Variants in HEATR5B observed in about 807,000 individuals in gnomAD.
HEATR5B encodes HEAT repeat containing 5B.
HEATR5B carries 156 observed loss-of-function variants against 224.1 expected under a neutral mutation model. The observed-to-expected ratio is 0.70, with a 90% CI of 0.61 to 0.80. HEATR5B has a LOEUF of 0.80. Ranked by LOEUF, HEATR5B falls within the 30% of genes least tolerant of loss-of-function variation. The pLI is 0.00. For synonymous variants in HEATR5B, 1,027 were observed against 893.0 expected (o/e 1.15, Z -2.68); for missense variants, 2,323 against 2,535.5 (o/e 0.92, Z 1.80).
At position 37,060,527 on chromosome 2, in the gene HEATR5B, C is replaced by T. The variant is rs1336111668; in HGVS notation, c.1849+54G>A. ...AAATAGTGATTTTTCTTTTACTTTACAAATATTTTAGTTATGTCATAATAT... is the reference window on the plus strand; with the variant it reads ...AAATAGTGATTTTTCTTTTACTTTATAAATATTTTAGTTATGTCATAATAT... On this transcript the variant is annotated intron_variant, in intron 12 of 35. Coordinates refer to ENST00000233099, the MANE Select transcript of HEATR5B (RefSeq NM_019024.3). The T allele has an allele frequency of 2.1e-6, 3 of 1,403,898 alleles. No homozygotes were observed. The Middle Eastern group carries it at 5.6e-4, about 264-fold the overall frequency. The allele number at this position is 1,403,898 out of a possible 1,614,324, so 87.0% of individuals were successfully genotyped here. A position where few individuals can be genotyped will look rare whatever the true frequency, so the allele number is the denominator to read the frequency against.
intron 33 of HEATR5B, among the ~76,000 whole-genome samples, chr2:36,996,064 CTTTT>C (rs371199948): frequency 7.3e-6 from 1 of 137,420 alleles, no homozygotes; most frequent in Non-Finnish European, 1.6e-5. Context: ...TAATGCAATT[CTTTT>C]TTTTTTTTTT....
At chr2:37,081,325 C>G (rs1193223259) in intron 2 of HEATR5B, among the ~76,000 whole-genome samples, 1 of 152,144 alleles carries the variant, frequency 6.6e-6, no homozygotes, top group Non-Finnish European at 1.5e-5. Flanking sequence ...CACCCATTAA[C>G]TCGTCATTTA....
At chr2:37,054,930 A>C (rs1323094445) in intron 16 of HEATR5B, among the ~76,000 whole-genome samples, 3 of 152,236 alleles carry the variant, frequency 2.0e-5, no homozygotes, top group African/African-American at 7.2e-5. Flanking sequence ...AGGTCGCTGT[A>C]AGGATTTAAA....
At chr2:37,072,008 T>C in intron 6 of HEATR5B, 102 bp downstream of exon 6, 1 of 939,894 alleles carries the variant, frequency 1.1e-6, no homozygotes, top group Non-Finnish European at 1.5e-6. Context: ...TATGGAAAAG[T>C]AGACAAAGAT....
intron 5 of HEATR5B, among the ~76,000 whole-genome samples, chr2:37,074,227 G>A (rs1011236661): frequency 7.9e-5 from 12 of 151,672 alleles, no homozygotes; most frequent in African/African-American, 2.9e-4. Flanking sequence ...GGAGGCTGAG[G>A]CAGGAGAATG....
At chr2:37,034,835 G>T (rs1463572098) in intron 21 of HEATR5B, among the ~76,000 whole-genome samples, 1 of 151,952 alleles carries the variant, frequency 6.6e-6, no homozygotes, top group Non-Finnish European at 1.5e-5. Context: ...TGGGATTACA[G>T]GTGTGAGCCA....
At chr2:37,017,783 T>C (rs1176115962) in intron 26 of HEATR5B, among the ~76,000 whole-genome samples, 3 of 151,842 alleles carry the variant, frequency 2.0e-5, no homozygotes, top group South Asian at 2.1e-4. Context: ...AGCATTGAAT[T>C]AGTAAAATAA....
rs957779176 is a variant in HEATR5B, at chr2:37,051,738, CT to C, written c.2505+1763del. Among the ~76,000 whole-genome samples, 10 of 149,352 alleles carry C rather than the reference CT, an allele frequency of 6.7e-5. No homozygotes were observed. In the East Asian group the frequency reaches 9.8e-4, roughly 15 times the overall value. ...ATGGTCCAAACCTGTATTTCTTCTTCTTTTTTTTTTCTTTTTTCTGAGACAG... is the reference window on the plus strand; with the variant it reads ...ATGGTCCAAACCTGTATTTCTTCTTCTTTTTTTTTCTTTTTTCTGAGACAG... On this transcript the variant is annotated intron_variant, in intron 17 of 35. Coordinates refer to ENST00000233099, the MANE Select transcript of HEATR5B (RefSeq NM_019024.3).
chr2:37,011,284 A>C (rs1192827648), intron 27 of HEATR5B, among the ~76,000 whole-genome samples: 2 of 152,228 alleles, frequency 1.3e-5, no homozygotes, highest in African/African-American at 4.8e-5. Flanking sequence ...GAACAGCCAG[A>C]GCAAGAGCAC....
At chr2:37,047,677 G>T (rs571074984) in intron 18 of HEATR5B, among the ~76,000 whole-genome samples, 126 of 152,264 alleles carry the variant, frequency 8.3e-4, no homozygotes, top group African/African-American at 2.9e-3. Flanking sequence ...TAATTTCTGT[G>T]AATTTCTGTC....
chr2:37,068,832 C>T lies in HEATR5B; in HGVS notation c.1026G>A (p.Arg342=), dbSNP rs143552035. The T allele has an allele frequency of 1.6e-5, 26 of 1,613,878 alleles. No individual in the cohort carries two copies. The highest frequency in any genetic ancestry group is 2.2e-5 in the Non-Finnish European group (26 of 1,180,016). ...SHVLDLVSHP[R]ATQTHVEAVY... ...CAGCCTCCACATGTGTTTGTGTTGC[C>T]CGAGGATGGGAAACCAGATCAAGTA... The change falls in exon 8 of 36, where the codon CGG becomes CGA. Residue 342 remains arginine (R), a synonymous_variant. Transcript: ENST00000233099.
At chr2:37,018,646 C>T (rs1483278552) in intron 26 of HEATR5B, among the ~76,000 whole-genome samples, 1 of 152,174 alleles carries the variant, frequency 6.6e-6, no homozygotes, top group African/African-American at 2.4e-5. Context: ...AGAATCTTCT[C>T]TGCATAGAGG....
At chr2:37,049,898 AT>A (rs200604477) in intron 17 of HEATR5B, 55 bp from the exon 18 acceptor site, 9,308 of 1,053,296 alleles carry the variant, frequency 8.8e-3, no homozygotes, top group East Asian at 0.014. Flanking sequence ...CATTATTATT[AT>A]TTTTTTTTTA....
Position 37,079,257 on chromosome 2 carries a change from A to C in HEATR5B, c.201T>G (p.Pro67=), listed in dbSNP as rs1484513572. The part of the protein sequence containing the change: ...TGLISSSPGP[P]TRKLLAKNLA... ...GATTTTTAGCTAATAATTTTCGTGTAGGTGGTCCAGGTGAACTACTTATTA... is the reference window on the plus strand; with the variant it reads ...GATTTTTAGCTAATAATTTTCGTGTCGGTGGTCCAGGTGAACTACTTATTA... The change falls in exon 3 of 36, where the codon CCT becomes CCG. Residue 67 remains proline (P), a synonymous_variant. Coordinates refer to ENST00000233099, the MANE Select transcript of HEATR5B (RefSeq NM_019024.3). 6.2e-7 allele frequency: 1 copy of C among 1,612,660 alleles called. No homozygotes were observed. Among genetic ancestry groups the C allele is most frequent in the South Asian group, 1.1e-5 (1 of 91,042 alleles).
intron 5 of HEATR5B, among the ~76,000 whole-genome samples, chr2:37,074,087 C>A (rs889877539): frequency 6.6e-6 from 1 of 151,874 alleles, no homozygotes; most frequent in Non-Finnish European, 1.5e-5. Flanking sequence ...TTTGGGAGGC[C>A]GAGGTGGGCG....
chr2:36,983,727 CA>C (rs576828311), intron 35 of HEATR5B, among the ~76,000 whole-genome samples: 11 of 140,806 alleles, frequency 7.8e-5, no homozygotes, highest in Admixed American at 1.4e-4. Context: ...GACTCCCTTT[CA>C]AAAAAAAAAG....
intron 31 of HEATR5B, among the ~76,000 whole-genome samples, chr2:37,003,260 CAAAAAAAAAAAAAAAAA>C (rs757178937): frequency 1.8e-5 from 1 of 56,874 alleles, no homozygotes; most frequent in Non-Finnish European, 3.1e-5. Context: ...GTCCCGCCCG[CAAAAAAAAAAAAAAAAA>C]AAAAAAAAAA....
At chr2:37,071,916 C>G (rs1401342456) in intron 6 of HEATR5B, among the ~76,000 whole-genome samples, 194 bp downstream of exon 6, 1 of 152,110 alleles carries the variant, frequency 6.6e-6, no homozygotes, top group Non-Finnish European at 1.5e-5. Flanking sequence ...AACTCCTGAC[C>G]TCGTGATCCA....
In HEATR5B at chr2:37,013,835, C is replaced by A; in HGVS notation, c.4284+6G>T. ...CAAAAACAATAGATTGTGGTTTAGT[C>A]GTTACCTCTGCCCAAGCTTTGAGAA... is the stretch of plus-strand genomic sequence containing the variant. On this transcript the variant is annotated splice_donor_region_variant and intron_variant, in intron 27 of 35. Transcript: ENST00000233099. The A allele has an allele frequency of 1.9e-6, 3 of 1,566,018 alleles. No individual in the cohort carries two copies. The highest frequency in any genetic ancestry group is 2.4e-5 in the South Asian group (2 of 83,258).
Sources: gnomAD v4.1 joint callset for allele counts (sites outside exome capture counted in the v4.1 genomes callset) on GRCh38, gnomAD v4.1.1 for gene constraint, MANE v1.5 for transcripts, NCBI Gene and HGNC (gene_info 2026-07-23, HGNC 2026-07-21) for gene names.